Variants in OR1J2 observed in about 807,000 individuals in gnomAD.
OR1J2 encodes the protein olfactory receptor 1J2.
For missense variants in OR1J2, 304 were observed against 246.1 expected (o/e 1.24, Z -1.57); for synonymous variants, 142 against 99.7 (o/e 1.42, Z -2.52).
chr9:122,551,242 G>A, the OR1J2 span, among the ~76,000 whole-genome samples: 16 of 152,148 alleles, frequency 1.1e-4, no homozygotes, highest in African/African-American at 3.6e-4. Flanking sequence ...AAGCATAGTG[G>A]ATAATAGCAT....
chr9:122,453,136 G>T, the OR1J2 span, among the ~76,000 whole-genome samples: 1 of 151,872 alleles, frequency 6.6e-6, no homozygotes, highest in Non-Finnish European at 1.5e-5. Context: ...TCCACTATGA[G>T]TAAAACTCCC....
the OR1J2 span, among the ~76,000 whole-genome samples, chr9:122,501,461 G>A: frequency 5.3e-5 from 8 of 152,236 alleles, no homozygotes; most frequent in East Asian, 1.4e-3. Context: ...ACAAGTTTCC[G>A]AAGCCTCAGG....
chr9:122,562,865 G>T, the OR1J2 span, among the ~76,000 whole-genome samples: 1 of 152,046 alleles, frequency 6.6e-6, no homozygotes, highest in Admixed American at 6.6e-5. Context: ...TTCGTTTTAT[G>T]GCTGCATGGT....
chr9:122,501,502 G>T, the OR1J2 span, among the ~76,000 whole-genome samples: 1 of 152,090 alleles, frequency 6.6e-6, no homozygotes, highest in African/African-American at 2.4e-5. Context: ...ATAACCTTCA[G>T]CCAACAAGCA....
the OR1J2 span, among the ~76,000 whole-genome samples, chr9:122,455,927 C>T: frequency 6.6e-6 from 1 of 152,156 alleles, no homozygotes; most frequent in African/African-American, 2.4e-5. Context: ...CCAATCACCC[C>T]AGAACCATTT....
the OR1J2 span, among the ~76,000 whole-genome samples, chr9:122,522,408 A>T: frequency 1.4e-4 from 22 of 152,360 alleles, no homozygotes; most frequent in South Asian, 3.9e-3. Context: ...GCACATATGT[A>T]ACACACAATT....
At chr9:122,537,263 T>C in the OR1J2 span, among the ~76,000 whole-genome samples, 84 of 152,340 alleles carry the variant, frequency 5.5e-4, no homozygotes, top group African/African-American at 1.5e-3. Context: ...AGTTTCACAA[T>C]GTTCTGCTAT....
the OR1J2 span, among the ~76,000 whole-genome samples, chr9:122,496,513 G>A: frequency 5.3e-5 from 8 of 152,080 alleles, no homozygotes; most frequent in African/African-American, 1.7e-4. Flanking sequence ...TATCTGAGAC[G>A]GTCTCAGTTA....
At chr9:122,507,160 C>T (rs1050211493), upstream of OR1J2, among the ~76,000 whole-genome samples, 3 of 152,140 alleles carry the variant, frequency 2.0e-5, no homozygotes, top group African/African-American at 7.2e-5. Flanking sequence ...TAAGGACAAA[C>T]GTCTCTCCAA....
chr9:122,568,100 G>C, the OR1J2 span: 3 of 1,613,982 alleles, frequency 1.9e-6, no homozygotes, highest in Non-Finnish European at 2.5e-6. Flanking sequence ...GGTCACAGAC[G>C]GCCACATAGC....
At chr9:122,502,286 T>C in the OR1J2 span, among the ~76,000 whole-genome samples, 1 of 152,176 alleles carries the variant, frequency 6.6e-6, no homozygotes, top group Non-Finnish European at 1.5e-5. Context: ...TTGCAGATGG[T>C]GGCCAACCTA....
upstream of OR1J2, among the ~76,000 whole-genome samples, chr9:122,507,844 G>A (rs1022155863): frequency 2.0e-5 from 3 of 152,088 alleles, no homozygotes; most frequent in African/African-American, 4.8e-5. Context: ...ACCAATATTT[G>A]CTGAGCACTA....
the OR1J2 span, among the ~76,000 whole-genome samples, chr9:122,562,735 T>TA: frequency 6.6e-6 from 1 of 152,164 alleles, no homozygotes; most frequent in Non-Finnish European, 1.5e-5. Flanking sequence ...TTCAACTTTT[T>TA]AAAAATCCCA....
chr9:122,450,266 A>G, the OR1J2 span, among the ~76,000 whole-genome samples: 2 of 152,216 alleles, frequency 1.3e-5, no homozygotes, highest in African/African-American at 4.8e-5. Flanking sequence ...CTCCGTCTCT[A>G]CTAAAAATAC....
the OR1J2 span, among the ~76,000 whole-genome samples, chr9:122,549,201 T>C: frequency 2.6e-5 from 4 of 152,028 alleles, no homozygotes; most frequent in Non-Finnish European, 5.9e-5. Context: ...AATGAGTCCA[T>C]GTGAAAGCTG....
At chr9:122,550,162 A>G in the OR1J2 span, among the ~76,000 whole-genome samples, 1 of 152,158 alleles carries the variant, frequency 6.6e-6, no homozygotes, top group Non-Finnish European at 1.5e-5. Context: ...GAGGAAATGG[A>G]TAAATTCTTG....
chr9:122,483,460 T>C, the OR1J2 span, among the ~76,000 whole-genome samples: 1 of 152,202 alleles, frequency 6.6e-6, no homozygotes, highest in African/African-American at 2.4e-5. Flanking sequence ...TAGATAGATA[T>C]TTAAAAATTA....
the OR1J2 span, among the ~76,000 whole-genome samples, chr9:122,485,062 A>G: frequency 6.6e-6 from 1 of 152,068 alleles, no homozygotes; most frequent in African/African-American, 2.4e-5. Flanking sequence ...CAGAAGCCCC[A>G]CCATCACTTT....
the OR1J2 span, among the ~76,000 whole-genome samples, chr9:122,496,414 G>T: frequency 6.6e-6 from 1 of 152,150 alleles, no homozygotes; most frequent in Non-Finnish European, 1.5e-5. Context: ...GCTTCTGTGG[G>T]AGTCGCAGGT....
Sources: allele counts gnomAD v4.1 joint callset (sites outside exome capture counted in the v4.1 genomes callset), GRCh38; gene constraint gnomAD v4.1.1; transcripts MANE v1.5; gene names NCBI Gene and HGNC (gene_info 2026-07-23, HGNC 2026-07-21).